ZNF74: variants seen among roughly 807,000 people sequenced by gnomAD.
The protein encoded by ZNF74 is zinc finger protein 74, also known as zinc finger protein 520.
In ZNF74, 12 loss-of-function variants were observed where a neutral mutation model predicts 17.7. That is an observed-to-expected ratio of 0.68 (90% CI 0.43 to 1.10). The LOEUF (loss-of-function observed/expected upper bound fraction) is 1.10. Ranked by LOEUF, ZNF74 falls within the 50% of genes least tolerant of loss-of-function variation. The pLI, the probability that ZNF74 is intolerant of heterozygous loss-of-function variation, is 0.00. For synonymous variants in ZNF74, 358 were observed against 362.1 expected, an observed-to-expected ratio of 0.99 and a Z score of 0.13; for missense variants, 811 against 881.0, an observed-to-expected ratio of 0.92 and a Z score of 1.01.
Position 20,407,173 on chromosome 22 carries a change from T to G in ZNF74, c.*205T>G. 1 of 710,904 alleles carries G rather than the reference T, an allele frequency of 1.4e-6. No individual in the cohort carries two copies. The highest frequency in any genetic ancestry group is 2.2e-6 in the Non-Finnish European group (1 of 450,750). 44.0% of individuals were successfully genotyped at this position (710,904 alleles called of 1,614,324 possible). On this transcript the variant is annotated 3_prime_UTR_variant, in exon 5 of 5. Transcript: ENST00000400451. ...GAAGGGCCACACTCCAGGAGGAGTGTTGAGAGTCATTTGAGGTAGTCTTGC... is the reference window on the plus strand; with the variant it reads ...GAAGGGCCACACTCCAGGAGGAGTGGTGAGAGTCATTTGAGGTAGTCTTGC...
At position 20,401,263 on chromosome 22, in the gene ZNF74, C is replaced by G; in HGVS notation, c.248-14C>G. ...AGCTGCAGCATGCCCAGCCCACTTT[C>G]TCTCCACGAGCAGGACCTCCACTGC... On this transcript the variant is annotated splice_polypyrimidine_tract_variant and intron_variant, in intron 3 of 4. Coordinates refer to ENST00000400451, the MANE Select transcript of ZNF74 (RefSeq NM_003426.4). The surrounding 1 kb of genome is among the most constrained non-coding windows in gnomAD (Gnocchi z 4.2). The G allele has an allele frequency of 6.3e-7, 1 of 1,596,470 alleles. No individual in the cohort carries two copies. The highest frequency in any genetic ancestry group is 8.6e-7 in the Non-Finnish European group (1 of 1,167,694).
chr22:20,400,412 T>C (rs1456947071), intron 2 of ZNF74: 2 of 552,726 alleles, frequency 3.6e-6, no homozygotes, highest in Non-Finnish European at 3.3e-6. Flanking sequence ...GCTTTCCCAA[T>C]CTAGAAGGTG....
chr22:20,399,967 C>G (rs1410026070), intron 2 of ZNF74: 2 of 156,460 alleles, frequency 1.3e-5, no homozygotes, highest in South Asian at 1.9e-4. Flanking sequence ...GGGATTTGTT[C>G]TGGGATGCAG....
rs1420246728 is a variant in ZNF74 at position 20,401,110 on chromosome 22, G to T, written c.248-167G>T. The T allele has an allele frequency of 9.9e-6, 6 of 608,580 alleles. No individual in the cohort carries two copies. The highest frequency in any genetic ancestry group is 8.6e-5 in the Admixed American group (3 of 34,690). 37.7% of individuals were successfully genotyped at this position (608,580 alleles called of 1,614,324 possible). ...GTGGGGTCTTCAGAGTATACACTGG[G>T]ATTTGGGTTCCAGTCTGAGACCCTC... On this transcript the variant is annotated intron_variant, in intron 3 of 4. Transcript: ENST00000400451. The surrounding 1 kb of genome is among the most constrained non-coding windows in gnomAD (Gnocchi z 4.2).
intron 4 of ZNF74, among the ~76,000 whole-genome samples, chr22:20,402,527 C>A (rs950721563): frequency 1.3e-5 from 2 of 152,026 alleles, no homozygotes; most frequent in East Asian, 3.9e-4. Flanking sequence ...TGTGGCCAGG[C>A]GTGATGGCTC....
chr22:20,401,234 G>A lies in ZNF74; in HGVS notation c.248-43G>A. 1.4e-6 allele frequency: 2 copies of A among 1,409,042 alleles called. No homozygotes were observed. Among genetic ancestry groups the A allele is most frequent in the Non-Finnish European group, 2.0e-6 (2 of 1,006,142 alleles). 87.3% of individuals were successfully genotyped at this position (1,409,042 alleles called of 1,614,324 possible). Reference sequence around the variant, plus strand: ...GCGGCCTGTAAGGTCGACTGGGCCTGGAGAGCTGCAGCATGCCCAGCCCAC... The same window carrying A: ...GCGGCCTGTAAGGTCGACTGGGCCTAGAGAGCTGCAGCATGCCCAGCCCAC... On this transcript the variant is annotated intron_variant, in intron 3 of 4. Transcript: ENST00000400451. This position sits in a 1 kb window ranked among gnomAD's most constrained non-coding sequence, Gnocchi z 4.2.
In ZNF74 at chr22:20,401,135, C is replaced by T. The variant is rs2052352343; in HGVS notation, c.248-142C>T. On this transcript the variant is annotated intron_variant, in intron 3 of 4. Transcript: ENST00000400451. The surrounding 1 kb of genome is among the most constrained non-coding windows in gnomAD (Gnocchi z 4.2). Reference sequence around the variant, plus strand: ...GATTTGGGTTCCAGTCTGAGACCCTCACTGCTTTTGGCCCAGAGGACCTCC... The same window carrying T: ...GATTTGGGTTCCAGTCTGAGACCCTTACTGCTTTTGGCCCAGAGGACCTCC... 4 of 628,252 alleles carry T rather than the reference C, an allele frequency of 6.4e-6. No homozygotes were observed. In the Admixed American group the frequency reaches 8.3e-5, roughly 13 times the overall value. 38.9% of individuals were successfully genotyped at this position (628,252 alleles called of 1,614,324 possible).
Position 20,407,160 on chromosome 22 carries a change from TC to T in ZNF74, c.*194del. The T allele has an allele frequency of 1.2e-6, 1 of 803,976 alleles. No homozygotes were observed. The highest frequency in any genetic ancestry group is 1.9e-6 in the Non-Finnish European group (1 of 529,386). The allele number at this position is 803,976 out of a possible 1,614,324, so 49.8% of individuals were successfully genotyped here. ...AGTCACCTCCCCAGAAGGGCCACAC[TC>T]CAGGAGGAGTGTTGAGAGTCATTTG... On this transcript the variant is annotated 3_prime_UTR_variant, in exon 5 of 5. Transcript: ENST00000400451.
In ZNF74 at chr22:20,405,935, AG is replaced by A; in HGVS notation, c.903del (p.Lys302SerfsTer309). The A allele has an allele frequency of 6.2e-7, 1 of 1,613,942 alleles. No homozygotes were observed. The highest frequency in any genetic ancestry group is 1.1e-5 in the South Asian group (1 of 91,082). Reference protein sequence around the residue: ...LLEHRRIHTGEKPFFCGECGK... With the variant: ...LLEHRRIHTGXKPFFCGECGK... Reference sequence around the variant, plus strand: ...GAGCACCGGCGCATCCACACCGGCGAGAAGCCCTTCTTCTGCGGCGAGTGCG... The same window carrying A: ...GAGCACCGGCGCATCCACACCGGCGAAAGCCCTTCTTCTGCGGCGAGTGCG... On this transcript the variant is annotated frameshift_variant, in exon 5 of 5. Transcript: ENST00000400451. LOFTEE classifies it low-confidence loss of function (END_TRUNC).
At position 20,405,863 on chromosome 22, in the gene ZNF74, A is replaced by C. The variant is rs2052414849; in HGVS notation, c.830A>C (p.Lys277Thr). Reference sequence around the variant, plus strand: ...TGGCACAGCCGGGAGAAGGCTTACAAGTGCGATGAATGCGGCAAGGCCTTC... The same window carrying C: ...TGGCACAGCCGGGAGAAGGCTTACACGTGCGATGAATGCGGCAAGGCCTTC... ...RRWHSREKAY[K>T]CDECGKAFTW... Residue 277 changes from lysine (K) to threonine (T), a missense_variant, in exon 5 of 5, where the codon AAG becomes ACG. By Grantham distance (78) the Lys-to-Thr change is moderately conservative. Coordinates refer to ENST00000400451, the MANE Select transcript of ZNF74 (RefSeq NM_003426.4). 6.2e-7 allele frequency: 1 copy of C among 1,613,610 alleles called. No homozygotes were observed. The highest frequency in any genetic ancestry group is 8.5e-7 in the Non-Finnish European group (1 of 1,179,922).
At chr22:20,400,998 C>T (rs2052351005) in intron 3 of ZNF74, 2 of 599,612 alleles carry the variant, frequency 3.3e-6, no homozygotes, top group East Asian at 2.8e-5. Flanking sequence ...GGGATAGGGG[C>T]AGGGAGAGAA....
In ZNF74 at chr22:20,405,929, C is replaced by A. The variant is rs769321492; in HGVS notation, c.896C>A (p.Thr299Asn). 3.1e-6 allele frequency: 5 copies of A among 1,613,712 alleles called. No homozygotes were observed. The highest frequency in any genetic ancestry group is 4.2e-6 in the Non-Finnish European group (5 of 1,179,878). Residue 299 changes from threonine to asparagine, a missense_variant, in exon 5 of 5, where the codon ACC (threonine) becomes AAC (asparagine). By Grantham distance (65) the Thr-to-Asn change is moderately conservative. Coordinates refer to ENST00000400451, the MANE Select transcript of ZNF74 (RefSeq NM_003426.4). ...TNLLEHRRIH[T>N]GEKPFFCGEC... ...CTTCTGGAGCACCGGCGCATCCACA[C>A]CGGCGAGAAGCCCTTCTTCTGCGGC...
At position 20,394,394 on chromosome 22, in the gene ZNF74, G is replaced by T; in HGVS notation, c.-235G>T. 3.0e-6 allele frequency: 2 copies of T among 662,632 alleles called. No individual in the cohort carries two copies. The highest frequency in any genetic ancestry group is 5.5e-6 in the Non-Finnish European group (2 of 362,738). 41.0% of individuals were successfully genotyped at this position (662,632 alleles called of 1,614,324 possible). On this transcript the variant is annotated 5_prime_UTR_variant, in exon 1 of 5. Transcript: ENST00000400451. The stretch of plus-strand genomic sequence containing the variant: ...GGGGCGTGAGTGCGCCGAGCATGGG[G>T]CTGAGCCTGGTGTGGGGAGTGGGTA...
chr22:20,405,339 C>T lies in ZNF74; in HGVS notation c.344-38C>T, dbSNP rs1484679301. 1.9e-6 allele frequency: 3 copies of T among 1,557,074 alleles called. No individual in the cohort carries two copies. In the East Asian group the frequency reaches 6.8e-5, roughly 35 times the overall value. On this transcript the variant is annotated intron_variant, in intron 4 of 4. Transcript: ENST00000400451. The stretch of plus-strand genomic sequence containing the variant: ...CAAATCTGAATTCTAGGCCAGGTTT[C>T]CGCTTGCTCACAGAAAATCATTTTC...
chr22:20,398,106 G>A (rs568756790), intron 2 of ZNF74, among the ~76,000 whole-genome samples: 1 of 152,242 alleles, frequency 6.6e-6, no homozygotes, highest in South Asian at 2.1e-4. Flanking sequence ...AACACTTGAG[G>A]TCAGGAGTTC....
Position 20,394,547 on chromosome 22 carries a change from A to G in ZNF74, c.-82A>G. 6.9e-7 allele frequency: 1 copy of G among 1,454,972 alleles called. No individual in the cohort carries two copies. The highest frequency in any genetic ancestry group is 1.4e-5 in the African/African-American group (1 of 71,690). 90.1% of individuals were successfully genotyped at this position (1,454,972 alleles called of 1,614,324 possible). A position where few individuals can be genotyped will look rare whatever the true frequency, so the allele number is the denominator to read the frequency against. On this transcript the variant is annotated 5_prime_UTR_variant, in exon 1 of 5. Coordinates refer to ENST00000400451, the MANE Select transcript of ZNF74 (RefSeq NM_003426.4). The stretch of plus-strand genomic sequence containing the variant: ...CTGCAGGCCCCTCAGCCCCAGGAGC[A>G]GTACTCGCTCTTCAGGGCCTGCCCT...
intron 1 of ZNF74, 46 bp downstream of exon 1, chr22:20,394,708 G>T (rs1346741218): frequency 6.3e-7 from 1 of 1,595,826 alleles, no homozygotes; most frequent in South Asian, 1.1e-5. Flanking sequence ...ATTTGCACTT[G>T]AGGATATTGA....
intron 2 of ZNF74, chr22:20,400,151 T>G (rs958037218): frequency 5.9e-6 from 1 of 168,090 alleles, no homozygotes; most frequent in African/African-American, 2.4e-5. Context: ...TGCTGATATA[T>G]ACAAGGTTTC....
chr22:20,400,706 G>T lies in ZNF74; in HGVS notation c.195G>T (p.Arg65Ser). Residue 65 changes from arginine to serine, a missense_variant, in exon 3 of 5, where the codon AGG becomes AGT. Physicochemically the swap from Arg to Ser is moderately radical, Grantham distance 110 (BLOSUM62 -1). This residue lies in a region of ZNF74 where 666 missense variants were observed against 702.3 expected (regional missense o/e 0.95). Transcript: ENST00000400451. ...EEWGQLDSPQ[R>S]ALYRDVMLEN... Reference sequence around the variant, plus strand: ...GGGGTCAACTAGACTCCCCTCAGAGGGCCTTGTACCGGGATGTGATGTTGG... The same window carrying T: ...GGGGTCAACTAGACTCCCCTCAGAGTGCCTTGTACCGGGATGTGATGTTGG... The T allele has an allele frequency of 6.2e-7, 1 of 1,614,112 alleles. No individual in the cohort carries two copies. Among genetic ancestry groups the T allele is most frequent in the Non-Finnish European group, 8.5e-7 (1 of 1,180,014 alleles).
Sources: allele counts gnomAD v4.1 joint callset (sites outside exome capture counted in the v4.1 genomes callset), GRCh38; gene constraint gnomAD v4.1.1; regional missense constraint gnomAD v4.1.1; non-coding constraint Gnocchi (gnomAD v3.1); transcripts MANE v1.5; gene names NCBI Gene and HGNC (gene_info 2026-07-23, HGNC 2026-07-21).